FOXP1: variants seen among roughly 807,000 people sequenced by gnomAD.
FOXP1 encodes forkhead box protein P1.
Under a neutral mutation model 98.2 loss-of-function variants are expected in FOXP1, and 15 were observed. The observed-to-expected ratio is 0.15, with a 90% CI of 0.10 to 0.24. The LOEUF is 0.24. FOXP1 is among the 10% of genes least tolerant of loss of function. The probability of loss-of-function intolerance (pLI) is 1.00; values close to 1 mark genes in which losing one functional copy is unlikely to be tolerated. For synonymous variants in FOXP1, 371 were observed against 314.5 expected, an observed-to-expected ratio of 1.18 and a Z score of -1.90; for missense variants, 633 against 848.5, an observed-to-expected ratio of 0.75 and a Z score of 3.15.
intron 5 of FOXP1, among the ~76,000 whole-genome samples, chr3:71,270,052 C>T (rs922682950): frequency 6.6e-6 from 1 of 152,156 alleles, no homozygotes; most frequent in African/African-American, 2.4e-5. Context: ...GTTTAACCAC[C>T]GCTCTGAAGC....
At chr3:71,232,281 A>C (rs1233366140) in intron 5 of FOXP1, among the ~76,000 whole-genome samples, 1 of 152,218 alleles carries the variant, frequency 6.6e-6, no homozygotes, top group Non-Finnish European at 1.5e-5. Flanking sequence ...AGTGCTATCG[A>C]TTATCAGTGG....
intron 4 of FOXP1, among the ~76,000 whole-genome samples, chr3:71,331,695 T>C (rs1325876646): frequency 2.0e-5 from 3 of 152,200 alleles, no homozygotes; most frequent in Non-Finnish European, 4.4e-5. Flanking sequence ...GGTTTGTGAC[T>C]GGACCAATCG....
intron 4 of FOXP1, among the ~76,000 whole-genome samples, chr3:71,316,186 A>G (rs979057228): frequency 1.3e-5 from 2 of 152,112 alleles, no homozygotes; most frequent in African/African-American, 2.4e-5. Context: ...ATTGCTACAG[A>G]CGGGTCGCCT....
At chr3:71,523,550 G>A (rs2043146095) in intron 2 of FOXP1, among the ~76,000 whole-genome samples, 1 of 152,140 alleles carries the variant, frequency 6.6e-6, no homozygotes, top group Non-Finnish European at 1.5e-5. Flanking sequence ...AGTAGCAAGA[G>A]CCACTTAATT....
intron 5 of FOXP1, among the ~76,000 whole-genome samples, chr3:71,215,852 A>G (rs1330493069): frequency 1.3e-5 from 2 of 152,236 alleles, no homozygotes; most frequent in East Asian, 1.9e-4. Flanking sequence ...TAATACTGCA[A>G]GCCAGCCCTG....
chr3:71,201,034 C>A (rs570020548), intron 5 of FOXP1, among the ~76,000 whole-genome samples: 13 of 152,258 alleles, frequency 8.5e-5, no homozygotes, highest in African/African-American at 2.9e-4. Context: ...AGGTGGGAAA[C>A]AAACTCAGAA....
intron 7 of FOXP1, among the ~76,000 whole-genome samples, chr3:71,057,868 T>A (rs1223842384): frequency 1.3e-5 from 2 of 152,180 alleles, no homozygotes; most frequent in African/African-American, 4.8e-5. Context: ...ATGGGCCTGC[T>A]GCTACCTTAA....
intron 5 of FOXP1, among the ~76,000 whole-genome samples, chr3:71,226,829 A>G (rs962804410): frequency 7.2e-5 from 11 of 152,070 alleles, no homozygotes; most frequent in African/African-American, 2.2e-4. Context: ...GCTCCCTGCA[A>G]GGGCACTAAG....
chr3:71,019,851 C>CAAAA (rs1448324550), intron 11 of FOXP1, among the ~76,000 whole-genome samples: 1 of 126,166 alleles, frequency 7.9e-6, no homozygotes, highest in Non-Finnish European at 1.7e-5. Flanking sequence ...CCAAAAAAAA[C>CAAAA]AAAACAAAAC....
intron 2 of FOXP1, among the ~76,000 whole-genome samples, chr3:71,508,200 T>C (rs985621079): frequency 1.3e-5 from 2 of 152,362 alleles, no homozygotes; most frequent in Middle Eastern, 6.8e-3. Flanking sequence ...ACAAAAATAC[T>C]AGAAGTAATT....
intron 19 of FOXP1, chr3:70,970,340 C>T (rs956441376): frequency 9.4e-6 from 2 of 212,228 alleles, no homozygotes; most frequent in East Asian, 2.5e-4. Flanking sequence ...ATACAAAGCC[C>T]TGCTTTCTCT....
intron 3 of FOXP1, among the ~76,000 whole-genome samples, chr3:71,383,189 C>T (rs1341972305): frequency 1.3e-5 from 2 of 152,202 alleles, no homozygotes; most frequent in Non-Finnish European, 2.9e-5. Context: ...CTCCAGGTGG[C>T]TCTCTAACAG....
chr3:71,058,571 C>G (rs1253292042), intron 7 of FOXP1, among the ~76,000 whole-genome samples: 1 of 133,634 alleles, frequency 7.5e-6, no homozygotes, highest in African/African-American at 2.8e-5. Flanking sequence ...CAAAACCAAA[C>G]AGAGAAAATA....
intron 4 of FOXP1, among the ~76,000 whole-genome samples, chr3:71,321,037 G>A (rs900345423): frequency 3.4e-5 from 5 of 147,582 alleles, no homozygotes; most frequent in African/African-American, 7.5e-5. Flanking sequence ...TAATCAAGTC[G>A]ACTTCTTATA....
Position 71,397,086 on chromosome 3 carries a change from G to A in FOXP1, c.-167-37842C>T, listed in dbSNP as rs1231331213. Among the ~76,000 whole-genome samples, 16 of 49,680 alleles carry A rather than the reference G, an allele frequency of 3.2e-4. 1 individual carries two copies. In the East Asian group the frequency reaches 3.5e-3, roughly 11 times the overall value. 32.6% of individuals were successfully genotyped at this position (49,680 alleles called of 152,430 possible). ...TGTATATATATATACATATATATGT[G>A]TATATATATATATACATATATATAT... On this transcript the variant is annotated intron_variant, in intron 3 of 20. Transcript: ENST00000649528.
intron 6 of FOXP1, among the ~76,000 whole-genome samples, chr3:71,162,483 G>A (rs1168961031): frequency 1.3e-5 from 2 of 152,224 alleles, no homozygotes; most frequent in Non-Finnish European, 2.9e-5. Flanking sequence ...CCAATGTTAA[G>A]ATGGTTAAGA....
intron 6 of FOXP1, among the ~76,000 whole-genome samples, chr3:71,131,878 T>C (rs80065317): frequency 0.024 from 3,687 of 152,228 alleles, 71 homozygotes; most frequent in African/African-American, 0.054. Flanking sequence ...AACAGAAGAC[T>C]AGGCTGGGGG....
intron 5 of FOXP1, among the ~76,000 whole-genome samples, chr3:71,281,441 C>T (rs1287510534): frequency 1.3e-5 from 2 of 152,246 alleles, no homozygotes; most frequent in African/African-American, 4.8e-5. Flanking sequence ...TGAGAAAGCA[C>T]CCGCTTCATG....
Position 71,120,163 on chromosome 3 carries a change from C to T in FOXP1, c.181-7526G>A, listed in dbSNP as rs2058658116. On this transcript the variant is annotated intron_variant, in intron 6 of 20. Coordinates refer to ENST00000649528, the MANE Select transcript of FOXP1 (RefSeq NM_001349338.3). ...ACAGGGGGTAATGACCATTCACAGA[C>T]AGCCTTTAACAGTTTCTTTGTACCA... is the stretch of plus-strand genomic sequence containing the variant. 2.6e-5 allele frequency among the ~76,000 whole-genome samples: 4 copies of T among 152,348 alleles called. No homozygotes were observed. In the South Asian group the frequency reaches 8.3e-4, roughly 32 times the overall value.
Sources: gnomAD v4.1 joint callset for allele counts (sites outside exome capture counted in the v4.1 genomes callset) on GRCh38, gnomAD v4.1.1 for gene constraint, MANE v1.5 for transcripts, NCBI Gene and HGNC (gene_info 2026-07-23, HGNC 2026-07-21) for gene names.